Variants in PES1 observed in about 807,000 individuals in gnomAD.
The protein encoded by PES1 is pescadillo homolog.
Under a neutral mutation model 77.1 loss-of-function variants are expected in PES1, and 31 were observed. The observed-to-expected ratio is 0.40, with a 90% CI of 0.30 to 0.54. The LOEUF is 0.54. Among genes scored for constraint, PES1 ranks in the 20% least tolerant of loss-of-function variants. The pLI, the probability that PES1 is intolerant of heterozygous loss-of-function variation, is 0.45. For missense variants in PES1, 658 were observed against 771.7 expected, an observed-to-expected ratio of 0.85 and a Z score of 1.75; for synonymous variants, 282 against 303.0, an observed-to-expected ratio of 0.93 and a Z score of 0.72.
upstream of PES1, chr22:30,592,347 G>T: frequency 2.0e-6 from 2 of 989,502 alleles, no homozygotes; most frequent in South Asian, 4.6e-5. Flanking sequence ...GTGAGACTGC[G>T]CTGAGTTCCC....
In PES1 at chr22:30,591,870, C is replaced by A; in HGVS notation, c.-37G>T. 6.5e-7 allele frequency: 1 copy of A among 1,543,478 alleles called. No homozygotes were observed. The highest frequency in any genetic ancestry group is 8.7e-7 in the Non-Finnish European group (1 of 1,145,322). On this transcript the variant is annotated 5_prime_UTR_variant, in exon 1 of 15. Coordinates refer to ENST00000354694, the MANE Select transcript of PES1 (RefSeq NM_014303.4). ...GAGGAGCCGACTAGGGCCGCGCGTA[C>A]AGGGAGCTCCACTTCCTCCCGCACG...
intron 2 of PES1, among the ~76,000 whole-genome samples, chr22:30,598,804 G>C (rs1267893597): frequency 1.3e-5 from 2 of 149,970 alleles, no homozygotes; most frequent in Non-Finnish European, 2.9e-5. Context: ...TGTCTACATG[G>C]TACCAAGTTG....
chr22:30,587,106 A>G (rs2087102648), intron 4 of PES1, 180 bp downstream of exon 4: 1 of 579,226 alleles, frequency 1.7e-6, no homozygotes, highest in African/African-American at 1.9e-5. Flanking sequence ...CAAGCCTGTA[A>G]CTACAAACCT....
intron 1 of PES1, chr22:30,605,650 C>G (rs140239012): frequency 5.3e-6 from 1 of 188,670 alleles, no homozygotes; most frequent in Non-Finnish European, 9.8e-6. Context: ...TCCAAACGTG[C>G]GGTTCTGCGG....
intron 2 of PES1, among the ~76,000 whole-genome samples, chr22:30,597,876 A>ATTTTTTTTTTTTTTTTTTTTTTTTTTTTT (rs1210779167): frequency 1.1e-4 from 14 of 125,154 alleles, no homozygotes; most frequent in African/African-American, 4.3e-4. Context: ...ACGCAGTTGA[A>ATTTTTTTTTTTTTTTTTTTTTTTTTTTTT]GTTTTGTTTT....
At chr22:30,606,287 G>C (rs1197216788) in intron 1 of PES1, among the ~76,000 whole-genome samples, 1 of 152,148 alleles carries the variant, frequency 6.6e-6, no homozygotes, top group Non-Finnish European at 1.5e-5. Flanking sequence ...CTGGAGTGCA[G>C]TGGTGTAATC....
chr22:30,601,102 TTATA>T (rs1199846905), intron 2 of PES1, among the ~76,000 whole-genome samples: 2 of 152,104 alleles, frequency 1.3e-5, no homozygotes, highest in Non-Finnish European at 2.9e-5. Context: ...TGACCTCGAG[TTATA>T]TATCATCACT....
Position 30,581,533 on chromosome 22 carries a change from G to C in PES1, c.742C>G (p.Pro248Ala), listed in dbSNP as rs770103506. The C allele has an allele frequency of 9.9e-6, 16 of 1,613,114 alleles. No homozygotes were observed. Among genetic ancestry groups the C allele is most frequent in the Non-Finnish European group, 1.4e-5 (16 of 1,179,434 alleles). Residue 248 changes from proline to alanine, a missense_variant, in exon 7 of 15, where the codon CCG (proline) becomes GCG (alanine). Pro to Ala is a conservative substitution (Grantham distance 27). Transcript: ENST00000354694. The stretch of plus-strand genomic sequence containing the variant: ...GCACTGGGCTGGGGTCCTACCTTCG[G>C]GGGATAGTGGAGGTTGAGCAACTGG... ...LYQLLNLHYPPKLEGQAQAEA... is the reference protein window; with the variant it reads ...LYQLLNLHYPAKLEGQAQAEA...
chr22:30,597,919 T>C (rs1286880842), intron 2 of PES1, among the ~76,000 whole-genome samples: 1 of 142,942 alleles, frequency 7.0e-6, no homozygotes. Flanking sequence ...AGTCTCACTC[T>C]GTCGCCCAGG....
upstream of PES1, among the ~76,000 whole-genome samples, chr22:30,594,479 C>T (rs1440794716): frequency 6.6e-6 from 1 of 151,920 alleles, no homozygotes; most frequent in Non-Finnish European, 1.5e-5. Context: ...AAAATTGTGC[C>T]ATTGCACTGC....
chr22:30,578,463 A>G (rs915374863), intron 14 of PES1, among the ~76,000 whole-genome samples: 11 of 152,168 alleles, frequency 7.2e-5, no homozygotes, highest in Admixed American at 5.9e-4. Flanking sequence ...ATTTTTAATT[A>G]GCATATATGG....
At chr22:30,606,746 C>G in intron 1 of PES1, 3 of 694,978 alleles carry the variant, frequency 4.3e-6, no homozygotes, top group Non-Finnish European at 5.3e-6. Flanking sequence ...CCCCACAATC[C>G]CCTCCCGCCA....
chr22:30,588,066 C>T lies in PES1; in HGVS notation c.213G>A (p.Arg71=), dbSNP rs749470192. ...ARTFYLIKDI[R]FLLHEPIVNK... ...TGACAATGGGTTCGTGGAGGAGAAA[C>T]CTGATGTCTTTGATAAGGTAAAACG... Residue 71 remains arginine (R), a synonymous_variant, in exon 3 of 15, where the codon AGG becomes AGA. Transcript: ENST00000354694. 6 of 1,613,990 alleles carry T rather than the reference C, an allele frequency of 3.7e-6. No homozygotes were observed. The highest frequency in any genetic ancestry group is 8.5e-7 in the Non-Finnish European group (1 of 1,180,044).
intron 2 of PES1, among the ~76,000 whole-genome samples, chr22:30,600,462 C>T (rs1266228452): frequency 6.6e-6 from 1 of 151,970 alleles, no homozygotes; most frequent in Non-Finnish European, 1.5e-5. Context: ...GTGTGAGCAT[C>T]GCTTGAACTC....
chr22:30,596,564 C>A (rs956770373), upstream of PES1, among the ~76,000 whole-genome samples: 1 of 151,560 alleles, frequency 6.6e-6, no homozygotes, highest in Admixed American at 6.6e-5. Context: ...TGGTTCACAG[C>A]CTCCATTAGA....
rs1372191201 is a variant in PES1, at chr22:30,577,243, T to G, written c.1684-114A>C. On this transcript the variant is annotated intron_variant, in intron 14 of 14. Coordinates refer to ENST00000354694, the MANE Select transcript of PES1 (RefSeq NM_014303.4). ...AGAGCTTCAAGAAAAGGTCACAAAT[T>G]CTCACAGGAAAAAAATCTACCTGAC... 13 of 880,356 alleles carry G rather than the reference T, an allele frequency of 1.5e-5. No individual in the cohort carries two copies. The East Asian group carries it at 2.1e-4, about 14-fold the overall frequency. The allele number at this position is 880,356 out of a possible 1,614,324, so 54.5% of individuals were successfully genotyped here.
In PES1 at chr22:30,587,008, C is replaced by T. The variant is rs147626621; in HGVS notation, c.368+278G>A. ...TTCATGGAGCCCTGGGGCTCTCCCACCATGGGGCCTTTGCACTTGCCATGG... is the reference window on the plus strand; with the variant it reads ...TTCATGGAGCCCTGGGGCTCTCCCATCATGGGGCCTTTGCACTTGCCATGG... On this transcript the variant is annotated intron_variant, in intron 4 of 14. Transcript: ENST00000354694. 2.9e-5 allele frequency: 12 copies of T among 410,522 alleles called. No homozygotes were observed. The Admixed American group carries it at 3.3e-4, about 11-fold the overall frequency. 25.4% of individuals were successfully genotyped at this position (410,522 alleles called of 1,614,324 possible).
chr22:30,579,240 T>C lies in PES1; in HGVS notation c.1418A>G (p.Glu473Gly). 6.2e-7 allele frequency: 1 copy of C among 1,604,506 alleles called. No homozygotes were observed. The highest frequency in any genetic ancestry group is 8.5e-7 in the Non-Finnish European group (1 of 1,179,224). Residue 473 changes from glutamate to glycine, a missense_variant, in exon 13 of 15, where the codon GAA becomes GGA. Transcript: ENST00000354694. ...CTCCTCCTCCTCATTTTCTCCCTCT[T>C]CATCACCATCACCTTCGTTGTTGTC... is the stretch of plus-strand genomic sequence containing the variant. Reference protein sequence around the residue: ...EDDNNEGDGDEEGENEEEEED... With the variant: ...EDDNNEGDGDGEGENEEEEED...
At chr22:30,590,592 T>G (rs774391258) in intron 1 of PES1, among the ~76,000 whole-genome samples, 1 of 152,216 alleles carries the variant, frequency 6.6e-6, no homozygotes, top group Non-Finnish European at 1.5e-5. Context: ...TATGCCACAC[T>G]TATCTCTGTC....
Sources: gnomAD v4.1 joint callset for allele counts (sites outside exome capture counted in the v4.1 genomes callset) on GRCh38, gnomAD v4.1.1 for gene constraint, MANE v1.5 for transcripts, NCBI Gene and HGNC (gene_info 2026-07-23, HGNC 2026-07-21) for gene names.